Variants in DNAH6 observed in about 807,000 individuals in gnomAD.
The protein encoded by DNAH6 is axonemal beta dynein heavy chain 6.
In DNAH6, 340 loss-of-function variants were observed where a neutral mutation model predicts 491.4. That is an observed-to-expected ratio of 0.69 (90% CI 0.63 to 0.76). The LOEUF is 0.76. Ranked by LOEUF, DNAH6 falls within the 30% of genes least tolerant of loss-of-function variation. The pLI is 0.00. For synonymous variants in DNAH6, 1,603 were observed against 1,686.1 expected (o/e 0.95, Z 1.21); for missense variants, 4,443 against 4,972.2 (o/e 0.89, Z 3.20).
intron 12 of DNAH6, among the ~76,000 whole-genome samples, chr2:84,576,389 A>G (rs7603826): frequency 0.1 from 15,447 of 152,144 alleles, 949 homozygotes; most frequent in Non-Finnish European, 0.13. Context: ...CCTTATAATT[A>G]GGAGAGGAGA....
intron 44 of DNAH6, among the ~76,000 whole-genome samples, chr2:84,687,049 T>C (rs746163213): frequency 6.6e-6 from 1 of 152,250 alleles, no homozygotes; most frequent in Non-Finnish European, 1.5e-5. Flanking sequence ...AATTGTTCTC[T>C]TCATTTCAGA....
chr2:84,798,271 GGCACCAGAA>G (rs1430044501), intron 70 of DNAH6, among the ~76,000 whole-genome samples: 2 of 152,100 alleles, frequency 1.3e-5, no homozygotes, highest in Non-Finnish European at 2.9e-5. Context: ...AGAGTCACCA[GGCACCAGAA>G]GCAACCCCTG....
intron 35 of DNAH6, among the ~76,000 whole-genome samples, chr2:84,655,104 T>C (rs1234632175): frequency 2.0e-5 from 3 of 152,030 alleles, no homozygotes; most frequent in Admixed American, 1.3e-4. Flanking sequence ...GCCTGAGGCA[T>C]TGAGACTTCG....
intron 68 of DNAH6, among the ~76,000 whole-genome samples, chr2:84,795,366 A>G (rs1678245198): frequency 6.6e-6 from 1 of 152,184 alleles, no homozygotes; most frequent in Admixed American, 6.5e-5. Flanking sequence ...TTTAGTGCAT[A>G]AATTTATTAG....
At chr2:84,785,478 A>T (rs1677088764) in intron 66 of DNAH6, 132 bp from the exon 67 acceptor site, 10 of 891,456 alleles carry the variant, frequency 1.1e-5, no homozygotes, top group Admixed American at 3.5e-5. Flanking sequence ...ACATGCCAGG[A>T]ATGGTCCCCA....
chr2:84,480,047 T>G, the DNAH6 span, among the ~76,000 whole-genome samples: 1 of 152,228 alleles, frequency 6.6e-6, no homozygotes, highest in Non-Finnish European at 1.5e-5. Flanking sequence ...GCATGCCCTT[T>G]CAGTGCCATT....
At chr2:84,655,942 G>A (rs1690923897) in intron 35 of DNAH6, among the ~76,000 whole-genome samples, 1 of 151,950 alleles carries the variant, frequency 6.6e-6, no homozygotes, top group South Asian at 2.1e-4. Context: ...ATTCCTCTAA[G>A]CTCTACATAT....
At chr2:84,786,859 T>A (rs1573808893) in intron 67 of DNAH6, among the ~76,000 whole-genome samples, 2 of 152,196 alleles carry the variant, frequency 1.3e-5, no homozygotes, top group Non-Finnish European at 2.9e-5. Flanking sequence ...GGTGAAATTT[T>A]TTTTTCTGCT....
rs554211609 is a variant in DNAH6, at chr2:84,665,519, G to C, written c.6085-3770G>C. Among the ~76,000 whole-genome samples the C allele has an allele frequency of 2.9e-4, 44 of 152,124 alleles. 3 individuals carry two copies. In the East Asian group the frequency reaches 8.3e-3, roughly 29 times the overall value. On this transcript the variant is annotated intron_variant, in intron 37 of 76. Coordinates refer to ENST00000389394, the MANE Select transcript of DNAH6 (RefSeq NM_001370.2). The stretch of plus-strand genomic sequence containing the variant: ...ATCTAGAAGAAATGGATAAATTCCT[G>C]GACACATACACCCTCCCAAGACTAA...
chr2:84,461,583 G>A, the DNAH6 span, among the ~76,000 whole-genome samples: 10,291 of 152,034 alleles, frequency 0.068, 770 homozygotes, highest in African/African-American at 0.18. Context: ...TACTGAGATG[G>A]GTATGAAACT....
chr2:84,629,610 T>G (rs1688202020), intron 29 of DNAH6, among the ~76,000 whole-genome samples: 1 of 152,240 alleles, frequency 6.6e-6, no homozygotes, highest in African/African-American at 2.4e-5. Context: ...TAATAGTGTT[T>G]TTAATATGTT....
intron 64 of DNAH6, among the ~76,000 whole-genome samples, chr2:84,778,749 G>A (rs148887129): frequency 2.7e-4 from 41 of 152,158 alleles, no homozygotes; most frequent in African/African-American, 8.7e-4. Flanking sequence ...CTCCACCTCC[G>A]CCTCCCAAAG....
the DNAH6 span, among the ~76,000 whole-genome samples, chr2:84,502,063 A>G: frequency 6.6e-6 from 1 of 151,998 alleles, no homozygotes; most frequent in Non-Finnish European, 1.5e-5. Context: ...TTCTTCTACT[A>G]ATTTTGGATT....
intron 64 of DNAH6, among the ~76,000 whole-genome samples, chr2:84,772,147 T>C (rs1573762639): frequency 6.6e-6 from 1 of 152,134 alleles, no homozygotes; most frequent in East Asian, 1.9e-4. Flanking sequence ...AATTTAAATT[T>C]TTATGAATTC....
intron 1 of DNAH6, 97 bp from the exon 2 acceptor site, chr2:84,517,722 C>A: frequency 1.1e-6 from 1 of 903,116 alleles, no homozygotes; most frequent in Non-Finnish European, 1.7e-6. Context: ...TGAGCGAATT[C>A]AACTCTTCCT....
chr2:84,594,664 A>G (rs1432404181), intron 17 of DNAH6, among the ~76,000 whole-genome samples: 2 of 152,202 alleles, frequency 1.3e-5, no homozygotes, highest in African/African-American at 4.8e-5. Flanking sequence ...CTATACTTTC[A>G]AGTGTGGTAT....
the DNAH6 span, among the ~76,000 whole-genome samples, chr2:84,487,370 A>G: frequency 6.6e-6 from 1 of 152,206 alleles, no homozygotes; most frequent in Admixed American, 6.5e-5. Flanking sequence ...CACCACAGTT[A>G]TCATGGCCAC....
At chr2:84,658,713 C>A (rs980542685) in intron 36 of DNAH6, among the ~76,000 whole-genome samples, 20 of 152,086 alleles carry the variant, frequency 1.3e-4, no homozygotes, top group African/African-American at 4.8e-4. Context: ...ATTCCCAATA[C>A]AAGATATTCT....
At chr2:84,648,528 G>A (rs575349740) in intron 33 of DNAH6, among the ~76,000 whole-genome samples, 5 of 152,308 alleles carry the variant, frequency 3.3e-5, no homozygotes, top group African/African-American at 1.2e-4. Flanking sequence ...ATTAATAAGA[G>A]TTTGGAAACA....
Sources: gnomAD v4.1 joint callset for allele counts (sites outside exome capture counted in the v4.1 genomes callset) on GRCh38, gnomAD v4.1.1 for gene constraint, MANE v1.5 for transcripts, NCBI Gene and HGNC (gene_info 2026-07-23, HGNC 2026-07-21) for gene names.